The following FOXP2 variants were observed in gnomAD, a reference collection of about 807,000 sequenced individuals.
FOXP2 encodes forkhead box protein P2.
In FOXP2, 12 loss-of-function variants were observed where a neutral mutation model predicts 115.8. The observed-to-expected ratio is 0.10, with a 90% CI of 0.07 to 0.17. The LOEUF (loss-of-function observed/expected upper bound fraction) is 0.17, where lower values mean the gene tolerates loss of function less well. FOXP2 is among the 10% of genes least tolerant of loss of function. The probability of loss-of-function intolerance (pLI) is 1.00; values close to 1 mark genes in which losing one functional copy is unlikely to be tolerated. For synonymous variants in FOXP2, 328 were observed against 297.7 expected, an observed-to-expected ratio of 1.10 and a Z score of -1.05; for missense variants, 629 against 843.5, an observed-to-expected ratio of 0.75 and a Z score of 3.15.
At chr7:114,403,594 T>A (rs956819749) in intron 2 of FOXP2, among the ~76,000 whole-genome samples, 1 of 152,202 alleles carries the variant, frequency 6.6e-6, no homozygotes, top group South Asian at 2.1e-4. Context: ...TTCTGTGGAA[T>A]AGTCTATAAG....
chr7:114,481,143 G>T (rs1211329145), intron 2 of FOXP2, among the ~76,000 whole-genome samples: 1 of 151,022 alleles, frequency 6.6e-6, no homozygotes, highest in Non-Finnish European at 1.5e-5. Flanking sequence ...CAAGTTTGAG[G>T]TAGTACACTA....
intron 2 of FOXP2, among the ~76,000 whole-genome samples, chr7:114,437,355 A>G (rs1396873926): frequency 6.6e-6 from 1 of 152,212 alleles, no homozygotes; most frequent in Non-Finnish European, 1.5e-5. Flanking sequence ...GGTGTTTCCC[A>G]AAGTCTTCCA....
rs117320248 is a variant in FOXP2 at position 114,170,780 on chromosome 7, G to C, written c.-102+7692G>C. Among the ~76,000 whole-genome samples, 25 of 152,334 alleles carry C rather than the reference G, an allele frequency of 1.6e-4. No individual in the cohort carries two copies. The East Asian group carries it at 3.5e-3, about 21-fold the overall frequency. On this transcript the variant is annotated intron_variant, in intron 1 of 17. Transcript: ENST00000634411. ...GCAAGAAAAATGTTTGAAGCTAAGA[G>C]AGGTTGGTTCATGAGGTTAAAGGAA... is the stretch of plus-strand genomic sequence containing the variant.
At chr7:114,494,317 T>C (rs1426432406) in intron 2 of FOXP2, among the ~76,000 whole-genome samples, 1 of 152,192 alleles carries the variant, frequency 6.6e-6, no homozygotes, top group Non-Finnish European at 1.5e-5. Flanking sequence ...ATTCAGACTA[T>C]GATACTGTTG....
intron 1 of FOXP2, among the ~76,000 whole-genome samples, chr7:114,280,077 C>CAAAT (rs141041172): frequency 0.067 from 9,618 of 142,944 alleles, 399 homozygotes; most frequent in African/African-American, 0.11. Context: ...GACTCTCAGG[C>CAAAT]AAATAAATAA....
intron 3 of FOXP2, among the ~76,000 whole-genome samples, chr7:114,584,060 A>AT (rs546797572): frequency 2.6e-5 from 4 of 151,902 alleles, no homozygotes; most frequent in South Asian, 4.2e-4. Flanking sequence ...CATTTACACT[A>AT]TTTTTTTTAT....
intron 3 of FOXP2, among the ~76,000 whole-genome samples, chr7:114,597,650 TG>T (rs1470894071): frequency 6.6e-6 from 1 of 152,098 alleles, no homozygotes; most frequent in Non-Finnish European, 1.5e-5. Context: ...ACAGGGTAAT[TG>T]GGGCCATAAC....
At chr7:114,328,921 C>T (rs1231427410) in intron 2 of FOXP2, among the ~76,000 whole-genome samples, 3 of 152,120 alleles carry the variant, frequency 2.0e-5, no homozygotes, top group Non-Finnish European at 2.9e-5. Context: ...AATGTGAAAT[C>T]ACTCTTAGTA....
intron 3 of FOXP2, among the ~76,000 whole-genome samples, chr7:114,552,866 C>T (rs1800278260): frequency 6.6e-6 from 1 of 152,066 alleles, no homozygotes; most frequent in Admixed American, 6.6e-5. Flanking sequence ...GCTTTTCTCA[C>T]AATCACTATA....
chr7:114,644,921 G>A (rs1484338350), intron 8 of FOXP2, 132 bp downstream of exon 8: 1 of 688,256 alleles, frequency 1.5e-6, no homozygotes, highest in Non-Finnish European at 2.5e-6. Flanking sequence ...AGATTTTTGT[G>A]GGTTCCAACA....
intron 2 of FOXP2, among the ~76,000 whole-genome samples, chr7:114,323,262 G>A (rs988572124): frequency 7.9e-5 from 12 of 152,018 alleles, no homozygotes; most frequent in African/African-American, 2.2e-4. Context: ...ATTACCGGAG[G>A]TTAAACTGTA....
At chr7:114,204,429 G>T (rs1352388220) in intron 1 of FOXP2, among the ~76,000 whole-genome samples, 1 of 152,106 alleles carries the variant, frequency 6.6e-6, no homozygotes, top group Non-Finnish European at 1.5e-5. Context: ...TCAGACAACT[G>T]TAGAAAAAGT....
intron 8 of FOXP2, 88 bp from the exon 9 acceptor site, chr7:114,652,115 G>C: frequency 8.3e-7 from 1 of 1,205,784 alleles, no homozygotes; most frequent in South Asian, 1.2e-5. Flanking sequence ...AGAAACATCT[G>C]ACTTCAGTGT....
chr7:114,254,450 CT>C (rs1795546182), intron 1 of FOXP2, among the ~76,000 whole-genome samples: 1 of 152,306 alleles, frequency 6.6e-6, no homozygotes, highest in Admixed American at 6.5e-5. Context: ...TAGATTTGGT[CT>C]TTTCACATAG....
chr7:114,491,350 G>T (rs1030561793), intron 2 of FOXP2, among the ~76,000 whole-genome samples: 1 of 152,136 alleles, frequency 6.6e-6, no homozygotes, highest in African/African-American at 2.4e-5. Context: ...TTTCGATGGG[G>T]TTGTTTGTTT....
chr7:114,086,471 G>GC (rs1205599068), upstream of FOXP2: 3 of 339,020 alleles, frequency 8.8e-6, no homozygotes, highest in Non-Finnish European at 1.7e-5. Context: ...CGGCTTCCTC[G>GC]GCCCCCCCCC....
At chr7:114,236,022 T>C (rs1795000039) in intron 1 of FOXP2, among the ~76,000 whole-genome samples, 1 of 152,200 alleles carries the variant, frequency 6.6e-6, no homozygotes, top group Admixed American at 6.5e-5. Context: ...TCGAAGCTCC[T>C]TGGGAGAAAC....
At chr7:114,155,025 C>T (rs1792626557) in intron 1 of FOXP2, among the ~76,000 whole-genome samples, 1 of 152,062 alleles carries the variant, frequency 6.6e-6, no homozygotes. Flanking sequence ...TAAAATAACT[C>T]ATGTAAGTAT....
chr7:114,160,879 G>A (rs1562986586), upstream of FOXP2, among the ~76,000 whole-genome samples: 1 of 151,556 alleles, frequency 6.6e-6, no homozygotes, highest in Non-Finnish European at 1.5e-5. Flanking sequence ...CCACACTAAA[G>A]CTATATCCTG....
Sources: allele counts gnomAD v4.1 joint callset (sites outside exome capture counted in the v4.1 genomes callset), GRCh38; gene constraint gnomAD v4.1.1; transcripts MANE v1.5; gene names NCBI Gene and HGNC (gene_info 2026-07-23, HGNC 2026-07-21).